PNPLA1: variants seen among roughly 807,000 people sequenced by gnomAD.
The protein encoded by PNPLA1 is patatin like domain 1, omega-hydroxyceramide transacylase, also known as omega-hydroxyceramide transacylase.
A neutral mutation model predicts 51.7 loss-of-function variants in PNPLA1; 36 were observed. That is an observed-to-expected ratio of 0.70 (90% CI 0.53 to 0.92). PNPLA1 has a LOEUF of 0.92. Ranked by LOEUF, PNPLA1 falls within the 40% of genes least tolerant of loss-of-function variation. PNPLA1 has a pLI of 0.00. For synonymous variants in PNPLA1, 293 were observed against 280.1 expected (o/e 1.05, Z -0.46); for missense variants, 658 against 682.5 (o/e 0.96, Z 0.40).
chr6:36,293,015 C>A (rs560072070), intron 2 of PNPLA1, 46 bp from the exon 3 acceptor site: 1 of 1,551,100 alleles, frequency 6.4e-7, no homozygotes, highest in Non-Finnish European at 8.8e-7. Flanking sequence ...CTGTCCCCAC[C>A]CCACCCCCGG....
At chr6:36,303,909 A>C (rs1771152217) in intron 6 of PNPLA1, among the ~76,000 whole-genome samples, 1 of 152,222 alleles carries the variant, frequency 6.6e-6, no homozygotes, top group Non-Finnish European at 1.5e-5. Context: ...TTCGTAGAGA[A>C]TAAGACCACT....
rs1392235879 is a variant in PNPLA1 at position 36,313,705 on chromosome 6, A to T, written c.*1819A>T. 1.3e-5 allele frequency among the ~76,000 whole-genome samples: 2 copies of T among 152,076 alleles called. No individual in the cohort carries two copies. The highest frequency in any genetic ancestry group is 2.9e-5 in the Non-Finnish European group (2 of 68,022). On this transcript the variant is annotated 3_prime_UTR_variant, in exon 9 of 9. Transcript: ENST00000636260. ...GTACTGTGGGGGAGACTGACTAGAGAGGCCCGCCCGGCCGCAGGCCTTTCT... is the reference window on the plus strand; with the variant it reads ...GTACTGTGGGGGAGACTGACTAGAGTGGCCCGCCCGGCCGCAGGCCTTTCT...
chr6:36,301,388 C>T (rs781631482), intron 5 of PNPLA1, among the ~76,000 whole-genome samples: 6 of 152,064 alleles, frequency 3.9e-5, no homozygotes, highest in African/African-American at 9.7e-5. Context: ...CGGCCCCTGC[C>T]GCCTCCTCAG....
chr6:36,309,847 A>AG (rs1223011202), intron 8 of PNPLA1, among the ~76,000 whole-genome samples: 3 of 152,130 alleles, frequency 2.0e-5, no homozygotes, highest in Non-Finnish European at 4.4e-5. Flanking sequence ...GGGATGGAGA[A>AG]GGGGGGAGTG....
At chr6:36,299,609 C>T (rs1341297143) in intron 5 of PNPLA1, among the ~76,000 whole-genome samples, 3 of 152,222 alleles carry the variant, frequency 2.0e-5, no homozygotes, top group Non-Finnish European at 2.9e-5. Flanking sequence ...GCTGGGATTA[C>T]AGGCGTGAGC....
chr6:36,303,660 C>T (rs886099915), intron 6 of PNPLA1, among the ~76,000 whole-genome samples: 5 of 152,206 alleles, frequency 3.3e-5, no homozygotes, highest in African/African-American at 9.6e-5. Flanking sequence ...GGTGAAACCC[C>T]ATCTCTACTA....
rs1300448799 is a variant in PNPLA1 at position 36,313,269 on chromosome 6, GC to G, written c.*1385del. ...ATGTTCCGTGAGGAGGACAACTTCAGCCTCAATTTTTCCAGCCTGTCCAGAA... is the reference window on the plus strand; with the variant it reads ...ATGTTCCGTGAGGAGGACAACTTCAGCTCAATTTTTCCAGCCTGTCCAGAA... On this transcript the variant is annotated 3_prime_UTR_variant, in exon 9 of 9. Transcript: ENST00000636260. Among the ~76,000 whole-genome samples the G allele has an allele frequency of 6.6e-6, 1 of 152,156 alleles. No homozygotes were observed. Among genetic ancestry groups the G allele is most frequent in the African/African-American group, 2.4e-5 (1 of 41,440 alleles).
intron 2 of PNPLA1, among the ~76,000 whole-genome samples, chr6:36,291,956 T>A (rs1236558072): frequency 6.6e-6 from 1 of 152,174 alleles, no homozygotes; most frequent in South Asian, 2.1e-4. Context: ...CCATGTCCCC[T>A]TTCTGCCCCC....
chr6:36,286,485 A>C (rs1203916672), intron 1 of PNPLA1, among the ~76,000 whole-genome samples: 4 of 152,088 alleles, frequency 2.6e-5, no homozygotes, highest in Non-Finnish European at 5.9e-5. Context: ...GTATGGTGGC[A>C]CATGCTGTAG....
At chr6:36,251,755 T>C (rs551238148) in intron 1 of PNPLA1, among the ~76,000 whole-genome samples, 2 of 152,040 alleles carry the variant, frequency 1.3e-5, no homozygotes, top group Admixed American at 6.5e-5. Context: ...CTGGGCAACA[T>C]AGTGAGAGAC....
chr6:36,278,590 C>T (rs934993220), intron 1 of PNPLA1, among the ~76,000 whole-genome samples: 1 of 152,196 alleles, frequency 6.6e-6, no homozygotes, highest in Non-Finnish European at 1.5e-5. Context: ...AGGGGACAGA[C>T]ACGTCTGAAG....
chr6:36,266,995 T>A (rs1444587680), upstream of PNPLA1, among the ~76,000 whole-genome samples: 2 of 152,222 alleles, frequency 1.3e-5, no homozygotes, highest in East Asian at 3.8e-4. Context: ...CCTGGGTGGC[T>A]TCACATATCT....
At chr6:36,300,312 A>G (rs1187532930) in intron 5 of PNPLA1, among the ~76,000 whole-genome samples, 1 of 151,840 alleles carries the variant, frequency 6.6e-6, no homozygotes, top group Non-Finnish European at 1.5e-5. Context: ...CTCCTGCCTC[A>G]GCCTCCCGAG....
At chr6:36,257,066 A>G (rs1769548770) in intron 1 of PNPLA1, among the ~76,000 whole-genome samples, 1 of 152,084 alleles carries the variant, frequency 6.6e-6, no homozygotes, top group Non-Finnish European at 1.5e-5. Flanking sequence ...TCCTTTTTGC[A>G]ATATGCATCA....
At chr6:36,262,422 G>T (rs1561850330) in intron 1 of PNPLA1, among the ~76,000 whole-genome samples, 1 of 152,152 alleles carries the variant, frequency 6.6e-6, no homozygotes, top group African/African-American at 2.4e-5. Context: ...GGAACAAAAG[G>T]CCCTCTTCAC....
chr6:36,295,432 C>A lies in PNPLA1; in HGVS notation c.775+8C>A. 6.2e-7 allele frequency: 1 copy of A among 1,614,016 alleles called. No individual in the cohort carries two copies. Among genetic ancestry groups the A allele is most frequent in the South Asian group, 1.1e-5 (1 of 91,084 alleles). ...TGTACTTGAGGCGGCTGAGTAAGTA[C>A]CGGTGGGGCCCCAGGTAAGGGCAGT... On this transcript the variant is annotated splice_region_variant and intron_variant, in intron 5 of 8. Coordinates refer to ENST00000636260, the MANE Select transcript of PNPLA1 (RefSeq NM_001374623.1).
At chr6:36,304,211 C>T (rs887542169) in intron 6 of PNPLA1, among the ~76,000 whole-genome samples, 21 of 152,056 alleles carry the variant, frequency 1.4e-4, no homozygotes, top group Admixed American at 1.4e-3. Context: ...TGGTCCTCAG[C>T]CAAACTTCCA....
chr6:36,299,312 G>A (rs1221458942), intron 5 of PNPLA1, among the ~76,000 whole-genome samples: 4 of 147,166 alleles, frequency 2.7e-5, no homozygotes, highest in Non-Finnish European at 6.0e-5. Flanking sequence ...AAAACTTTTG[G>A]GGTTTTTTTT....
rs1163577152 is a variant in PNPLA1, at chr6:36,301,915, T to A, written c.830T>A (p.Val277Glu). Residue 277 changes from valine (V) to glutamate (E), a missense_variant, in exon 6 of 9, where the codon GTG (valine) becomes GAG (glutamate). By Grantham distance (121) the Val-to-Glu change is moderately radical (BLOSUM62 -2). Coordinates refer to ENST00000636260, the MANE Select transcript of PNPLA1 (RefSeq NM_001374623.1). ...AGAGTGATTTTCCCCCGGGTGGAAGTGTACTGCCAGATAGAACTCGCCCTT... is the reference window on the plus strand; with the variant it reads ...AGAGTGATTTTCCCCCGGGTGGAAGAGTACTGCCAGATAGAACTCGCCCTT... ...SKRVIFPRVEVYCQIELALGN... is the reference protein window; with the variant it reads ...SKRVIFPRVEEYCQIELALGN... The A allele has an allele frequency of 2.5e-6, 4 of 1,614,192 alleles. No individual in the cohort carries two copies. The South Asian group carries it at 4.4e-5, about 18-fold the overall frequency.
Sources: gnomAD v4.1 joint callset for allele counts (sites outside exome capture counted in the v4.1 genomes callset) on GRCh38, gnomAD v4.1.1 for gene constraint, MANE v1.5 for transcripts, NCBI Gene and HGNC (gene_info 2026-07-23, HGNC 2026-07-21) for gene names.